The following DNHD1 variants were observed in gnomAD, a reference collection of about 807,000 sequenced individuals.
The protein encoded by DNHD1 is dynein heavy chain domain-containing protein 1.
In DNHD1, 383 loss-of-function variants were observed where a neutral mutation model predicts 458.1. The ratio of observed to expected loss-of-function variants is 0.84; its 90% CI spans 0.77 to 0.91. The LOEUF (loss-of-function observed/expected upper bound fraction) is 0.91, where lower values mean the gene tolerates loss of function less well. Among genes scored for constraint, DNHD1 ranks in the 40% least tolerant of loss-of-function variants. The pLI is 0.00. For synonymous variants in DNHD1, 2,203 were observed against 2,376.9 expected (o/e 0.93, Z 2.13); for missense variants, 5,336 against 5,866.1 (o/e 0.91, Z 2.95).
Position 6,540,027 on chromosome 11 carries a change from T to A in DNHD1, c.3572T>A (p.Leu1191His), listed in dbSNP as rs1354180747. Residue 1191 changes from leucine to histidine, a missense_variant, in exon 18 of 43, where the codon CTC (leucine) becomes CAC (histidine). This residue lies in a region of DNHD1 where 3,932 missense variants were observed against 4,365.6 expected (regional missense o/e 0.90). Transcript: ENST00000254579. ...TCAGAGCGCTCCAAGAGGCAGGTGC[T>A]CCGCAGCCCCCAATGGGAGGTAGTG... The part of the protein sequence containing the change: ...PASERSKRQV[L>H]RSPQWEVVDK... 6.4e-7 allele frequency: 1 copy of A among 1,551,546 alleles called. No homozygotes were observed. The highest frequency in any genetic ancestry group is 8.7e-7 in the Non-Finnish European group (1 of 1,146,934).
In DNHD1 at chr11:6,571,029, T is replaced by C. The variant is rs769786834; in HGVS notation, c.13517T>C (p.Leu4506Pro). The stretch of plus-strand genomic sequence containing the variant: ...ACGCTACAACGCGACCTTGATTGCC[T>C]GTTGCAGCAGCTGAAGGGCGCACCC... ...VGTLQRDLDC[L>P]LQQLKGAPPC... Residue 4506 changes from leucine (L) to proline (P), a missense_variant, in exon 42 of 43, where the codon CTG (leucine) becomes CCG (proline). By Grantham distance (98) the Leu-to-Pro change is moderately conservative. Coordinates refer to ENST00000254579, the MANE Select transcript of DNHD1 (RefSeq NM_144666.3). This position sits in a 1 kb window ranked among gnomAD's most constrained non-coding sequence, Gnocchi z 5.0. 2 of 1,586,860 alleles carry C rather than the reference T, an allele frequency of 1.3e-6. No individual in the cohort carries two copies. Among genetic ancestry groups the C allele is most frequent in the Non-Finnish European group, 8.6e-7 (1 of 1,163,556 alleles).
chr11:6,521,810 G>A (rs974960511), intron 10 of DNHD1, among the ~76,000 whole-genome samples: 13 of 152,112 alleles, frequency 8.5e-5, no homozygotes, highest in Admixed American at 5.2e-4. Context: ...TCAACCTCCT[G>A]GGCTCAAGTG....
In DNHD1 at chr11:6,570,116, TC is replaced by T; in HGVS notation, c.12955+21del. The T allele has an allele frequency of 6.2e-7, 1 of 1,612,414 alleles. No individual in the cohort carries two copies. Among genetic ancestry groups the T allele is most frequent in the South Asian group, 1.1e-5 (1 of 90,968 alleles). ...GAGCTGGCTGGTGAGACCCTTCCTC[TC>T]CCCCTTGGAGTCATCAGCCCCCAGG... On this transcript the variant is annotated intron_variant, in intron 40 of 42. Coordinates refer to ENST00000254579, the MANE Select transcript of DNHD1 (RefSeq NM_144666.3).
Position 6,547,289 on chromosome 11 carries a change from C to T in DNHD1, c.6350C>T (p.Ala2117Val), listed in dbSNP as rs917808277. 10 of 1,551,694 alleles carry T rather than the reference C, an allele frequency of 6.4e-6. No individual in the cohort carries two copies. The highest frequency in any genetic ancestry group is 8.7e-6 in the Non-Finnish European group (10 of 1,146,996). The change falls in exon 21 of 43, where the codon GCA becomes GTA. Residue 2117 changes from alanine (A) to valine (V), a missense_variant. Ala to Val is a moderately conservative substitution (Grantham distance 64, BLOSUM62 0). Coordinates refer to ENST00000254579, the MANE Select transcript of DNHD1 (RefSeq NM_144666.3). ...AGTCTCCCCAGTGGACAGCAGATAG[C>T]ACGACCCCCAGGCACCTTTCTCTTG... ...QLSLPSGQQI[A>V]RPPGTFLLME...
Position 6,509,036 on chromosome 11 carries a change from G to T in DNHD1, c.1077G>T (p.Gln359His). 6.2e-7 allele frequency: 1 copy of T among 1,614,224 alleles called. No homozygotes were observed. Among genetic ancestry groups the T allele is most frequent in the Non-Finnish European group, 8.5e-7 (1 of 1,180,034 alleles). Residue 359 changes from glutamine (Q) to histidine (H), a missense_variant, in exon 5 of 43, where the codon CAG (glutamine) becomes CAT (histidine). Around this residue, in one of 4 missense-constraint regions of DNHD1, gnomAD observed 3,932 missense variants for 4,365.6 expected, o/e 0.90. Coordinates refer to ENST00000254579, the MANE Select transcript of DNHD1 (RefSeq NM_144666.3). Reference sequence around the variant, plus strand: ...ACTGTGTTCTCTGGCAGCAGCTCCAGTTCATTCCATTCTTTAAGTATTGCC... The same window carrying T: ...ACTGTGTTCTCTGGCAGCAGCTCCATTTCATTCCATTCTTTAAGTATTGCC... ...HHHCVLWQQL[Q>H]FIPFFKYCLL...
At chr11:6,503,124 C>T (rs758645833) in intron 4 of DNHD1, 198 bp downstream of exon 4, 16 of 551,946 alleles carry the variant, frequency 2.9e-5, no homozygotes, top group Non-Finnish European at 4.3e-5. Flanking sequence ...CCCTTCACTC[C>T]CTGTTGCTTA....
At chr11:6,544,324 A>C in intron 19 of DNHD1, 78 bp downstream of exon 19, 3 of 1,506,342 alleles carry the variant, frequency 2.0e-6, no homozygotes, top group Non-Finnish European at 2.7e-6. Context: ...TGAGAGGTGG[A>C]GGTTGGGTGG....
intron 25 of DNHD1, 70 bp from the exon 26 acceptor site, chr11:6,558,415 G>C: frequency 6.5e-7 from 1 of 1,541,166 alleles, no homozygotes; most frequent in Non-Finnish European, 8.8e-7. Context: ...TAAGTGGTCT[G>C]GCTGGGACTG....
intron 4 of DNHD1, chr11:6,508,613 A>G: frequency 2.3e-6 from 1 of 429,780 alleles, no homozygotes; most frequent in South Asian, 3.1e-5. Context: ...GATGGGATGT[A>G]AGATATCTGC....
chr11:6,511,201 C>T, intron 6 of DNHD1, 72 bp from the exon 7 acceptor site: 1 of 1,566,794 alleles, frequency 6.4e-7, no homozygotes, highest in Non-Finnish European at 8.7e-7. Flanking sequence ...GTAAGCTAGG[C>T]TGAGAAGAGG....
chr11:6,498,923 C>T lies in DNHD1; in HGVS notation c.708C>T (p.Asp236=), dbSNP rs2134359915. ...IPVRYESSDT[D]NAEVEPVGRK... ...TACGGTATGAAAGCAGTGACACTGACAATGCAGAGGTGGAGCCTGTTGGAA... is the reference window on the plus strand; with the variant it reads ...TACGGTATGAAAGCAGTGACACTGATAATGCAGAGGTGGAGCCTGTTGGAA... Residue 236 remains aspartate, a synonymous_variant, in exon 3 of 43, where the codon GAC becomes GAT. Transcript: ENST00000254579. The T allele has an allele frequency of 1.9e-6, 3 of 1,613,012 alleles. No individual in the cohort carries two copies. The highest frequency in any genetic ancestry group is 2.5e-6 in the Non-Finnish European group (3 of 1,179,402).
Position 6,545,089 on chromosome 11 carries a change from G to A in DNHD1, c.4150G>A (p.Val1384Ile), listed in dbSNP as rs1853179880. Residue 1384 changes from valine to isoleucine, a missense_variant, in exon 21 of 43, where the codon GTA (valine) becomes ATA (isoleucine). Physicochemically the swap from Val to Ile is conservative, Grantham distance 29 (BLOSUM62 3). Transcript: ENST00000254579. The surrounding 1 kb of genome is among the most constrained non-coding windows in gnomAD (Gnocchi z 4.9). ...RLESCEAQLWVRRCFPHVHAV... is the reference protein window; with the variant it reads ...RLESCEAQLWIRRCFPHVHAV... ...GGAATCATGCGAAGCCCAGCTATGG[G>A]TACGACGCTGCTTTCCTCATGTGCA... 6.4e-7 allele frequency: 1 copy of A among 1,551,922 alleles called. No individual in the cohort carries two copies. Among genetic ancestry groups the A allele is most frequent in the Non-Finnish European group, 8.7e-7 (1 of 1,147,066 alleles).
At chr11:6,501,234 C>T (rs2247254) in intron 3 of DNHD1, among the ~76,000 whole-genome samples, 4,869 of 151,038 alleles carry the variant, frequency 0.032, 267 homozygotes, top group African/African-American at 0.11. Context: ...TTTTGTGAAG[C>T]TTAGCTTGAA....
intron 10 of DNHD1, 43 bp downstream of exon 10, chr11:6,520,332 G>A: frequency 3.2e-6 from 5 of 1,551,468 alleles, no homozygotes; most frequent in Non-Finnish European, 4.4e-6. Context: ...GGCTGAAGGA[G>A]GGAAAGGGCA....
chr11:6,567,263 G>T lies in DNHD1; in HGVS notation c.11754G>T (p.Leu3918=). 2 of 1,614,026 alleles carry T rather than the reference G, an allele frequency of 1.2e-6. No individual in the cohort carries two copies. Among genetic ancestry groups the T allele is most frequent in the Non-Finnish European group, 1.7e-6 (2 of 1,179,906 alleles). ...LQLRAHLTRQ[L]LGSTVTALGL... is the part of the protein sequence containing the mutation. ...TGAGAGCACACCTGACCCGCCAGCT[G>T]CTGGGCAGCACCGTGACTGCACTGG... Residue 3918 remains leucine (L), a synonymous_variant, in exon 36 of 43, where the codon CTG becomes CTT. Coordinates refer to ENST00000254579, the MANE Select transcript of DNHD1 (RefSeq NM_144666.3).
chr11:6,560,114 TAAG>T (rs1853555649), intron 28 of DNHD1, among the ~76,000 whole-genome samples: 2 of 152,358 alleles, frequency 1.3e-5, no homozygotes, highest in African/African-American at 2.4e-5. Flanking sequence ...TTGTTTTTAA[TAAG>T]AAGAATTCTA....
At chr11:6,513,566 G>A (rs4403791) in intron 7 of DNHD1, among the ~76,000 whole-genome samples, 8,046 of 152,228 alleles carry the variant, frequency 0.053, 725 homozygotes, top group African/African-American at 0.18. Context: ...GTATAGCTAC[G>A]TAGTATTTCA....
At chr11:6,550,454 G>C (rs903535536) in intron 24 of DNHD1, among the ~76,000 whole-genome samples, 4 of 152,154 alleles carry the variant, frequency 2.6e-5, no homozygotes, top group African/African-American at 9.7e-5. Context: ...ATTACTGCTG[G>C]CAGAATGTAA....
intron 39 of DNHD1, 102 bp downstream of exon 39, chr11:6,568,968 C>A: frequency 7.4e-7 from 1 of 1,354,616 alleles, no homozygotes; most frequent in Non-Finnish European, 9.9e-7. Context: ...TTGGAAGCTC[C>A]AAAGAGCAAG....
Sources: gnomAD v4.1 joint callset for allele counts (sites outside exome capture counted in the v4.1 genomes callset) on GRCh38, gnomAD v4.1.1 for gene constraint, gnomAD v4.1.1 regional missense constraint, Gnocchi (gnomAD v3.1) non-coding constraint, MANE v1.5 for transcripts, NCBI Gene and HGNC (gene_info 2026-07-23, HGNC 2026-07-21) for gene names.